Variants in ANKRD6 observed in about 807,000 individuals in gnomAD.
ANKRD6 encodes the protein ankyrin repeat domain-containing protein 6.
A neutral mutation model predicts 82.3 loss-of-function variants in ANKRD6; 56 were observed. That is an observed-to-expected ratio of 0.68 (90% CI 0.55 to 0.85). ANKRD6 has a LOEUF of 0.85. ANKRD6 is among the 40% of genes least tolerant of loss of function. ANKRD6 has a pLI of 0.00. For synonymous variants in ANKRD6, 347 were observed against 352.1 expected, an observed-to-expected ratio of 0.99 and a Z score of 0.16; for missense variants, 852 against 907.6, an observed-to-expected ratio of 0.94 and a Z score of 0.79.
intron 1 of ANKRD6, among the ~76,000 whole-genome samples, chr6:89,473,690 A>C (rs1775730760): frequency 1.3e-5 from 2 of 152,092 alleles, no homozygotes; most frequent in Non-Finnish European, 2.9e-5. Flanking sequence ...AAAAACTGTC[A>C]ACTTGTAGCT....
chr6:89,460,518 C>T (rs932945107), intron 1 of ANKRD6, among the ~76,000 whole-genome samples: 1 of 152,176 alleles, frequency 6.6e-6, no homozygotes. Context: ...CTCACTGCAA[C>T]CTCTGCCTCC....
chr6:89,521,761 T>G (rs1340071463), intron 1 of ANKRD6, among the ~76,000 whole-genome samples: 5 of 151,984 alleles, frequency 3.3e-5, no homozygotes, highest in Non-Finnish European at 7.4e-5. Context: ...TTTTTTTCCT[T>G]ATTATATAAA....
At chr6:89,448,907 G>A (rs1388827762) in intron 1 of ANKRD6, among the ~76,000 whole-genome samples, 1 of 151,380 alleles carries the variant, frequency 6.6e-6, no homozygotes, top group Non-Finnish European at 1.5e-5. Flanking sequence ...GCGGGCGCCT[G>A]TAGTCCCAGC....
intron 1 of ANKRD6, among the ~76,000 whole-genome samples, chr6:89,562,047 G>A (rs1787503182): frequency 1.3e-5 from 2 of 152,178 alleles, no homozygotes; most frequent in Admixed American, 1.3e-4. Context: ...AGGAAAATGT[G>A]GGGATATTGG....
chr6:89,597,117 T>C (rs1325309655), intron 3 of ANKRD6, among the ~76,000 whole-genome samples: 1 of 152,184 alleles, frequency 6.6e-6, no homozygotes, highest in Non-Finnish European at 1.5e-5. Flanking sequence ...AAGAAATAAC[T>C]ATGACTGTTT....
chr6:89,537,873 A>C (rs1784019609), intron 1 of ANKRD6, among the ~76,000 whole-genome samples: 1 of 117,828 alleles, frequency 8.5e-6, no homozygotes, highest in African/African-American at 3.4e-5. Flanking sequence ...GAGTGAGACA[A>C]TGTCTCAAAA....
At position 89,612,250 on chromosome 6, in the gene ANKRD6, C is replaced by T. The variant is rs780594879; in HGVS notation, c.418-22C>T. ...GGAAGCATGTTGCTAATATGTCCTCCCTCTCTCTGCCTCTCTCCAAGGCGG... is the reference window on the plus strand; with the variant it reads ...GGAAGCATGTTGCTAATATGTCCTCTCTCTCTCTGCCTCTCTCCAAGGCGG... On this transcript the variant is annotated intron_variant, in intron 5 of 15. Transcript: ENST00000339746. 6 of 1,547,716 alleles carry T rather than the reference C, an allele frequency of 3.9e-6. No homozygotes were observed. The East Asian group carries it at 1.2e-4, about 32-fold the overall frequency.
chr6:89,620,547 T>C (rs1802822242), intron 9 of ANKRD6, among the ~76,000 whole-genome samples: 1 of 152,210 alleles, frequency 6.6e-6, no homozygotes, highest in Non-Finnish European at 1.5e-5. Context: ...CTCAGACTTC[T>C]TGGTCTAAGG....
At chr6:89,547,469 C>G (rs997027344) in intron 1 of ANKRD6, among the ~76,000 whole-genome samples, 16 of 152,146 alleles carry the variant, frequency 1.1e-4, no homozygotes, top group African/African-American at 3.1e-4. Flanking sequence ...GTCTTGTTCC[C>G]AGGCCTCCGG....
chr6:89,574,848 C>G (rs566227513), intron 2 of ANKRD6, among the ~76,000 whole-genome samples: 1 of 152,212 alleles, frequency 6.6e-6, no homozygotes, highest in African/African-American at 2.4e-5. Flanking sequence ...CTTGAAGGCT[C>G]ACTGAAAAAT....
intron 1 of ANKRD6, 29 bp from the exon 2 acceptor site, chr6:89,566,805 T>A: frequency 1.2e-6 from 1 of 826,024 alleles, no homozygotes. Context: ...CAAGTGGCCC[T>A]GATGGCACCT....
intron 1 of ANKRD6, among the ~76,000 whole-genome samples, chr6:89,565,772 G>A (rs769780025): frequency 1.3e-5 from 2 of 152,028 alleles, no homozygotes; most frequent in Non-Finnish European, 2.9e-5. Context: ...TGGGTTGAAG[G>A]ATGGTATCTC....
At chr6:89,618,187 C>G in intron 9 of ANKRD6, 156 bp downstream of exon 9, 1 of 823,020 alleles carries the variant, frequency 1.2e-6, no homozygotes, top group Non-Finnish European at 2.1e-6. Flanking sequence ...CCCAGGATGA[C>G]GGGAGTCAAA....
At chr6:89,574,061 TTTATC>T (rs1256817921) in intron 2 of ANKRD6, among the ~76,000 whole-genome samples, 2 of 152,208 alleles carry the variant, frequency 1.3e-5, no homozygotes, top group Non-Finnish European at 2.9e-5. Context: ...CTCTCTTACA[TTTATC>T]TGTGTTTGAC....
chr6:89,472,792 T>C (rs574945216), intron 1 of ANKRD6, among the ~76,000 whole-genome samples: 1 of 152,258 alleles, frequency 6.6e-6, no homozygotes, highest in African/African-American at 2.4e-5. Context: ...GCCGGTGCCC[T>C]GGTTACCTTG....
At chr6:89,512,925 T>G (rs1780730427) in intron 1 of ANKRD6, among the ~76,000 whole-genome samples, 1 of 152,138 alleles carries the variant, frequency 6.6e-6, no homozygotes, top group African/African-American at 2.4e-5. Context: ...TTTCTTTCTT[T>G]TTCTCTCTTT....
intron 3 of ANKRD6, 165 bp from the exon 4 acceptor site, chr6:89,602,864 G>C: frequency 1.7e-6 from 1 of 577,858 alleles, no homozygotes; most frequent in African/African-American, 1.9e-5. Context: ...CTACTAACAA[G>C]ACCACAAAGC....
intron 1 of ANKRD6, among the ~76,000 whole-genome samples, chr6:89,562,018 T>G (rs1260940399): frequency 1.3e-5 from 2 of 152,188 alleles, no homozygotes; most frequent in Admixed American, 1.3e-4. Flanking sequence ...GACCAAAAAT[T>G]CTGTCTTTAG....
At chr6:89,470,893 G>A (rs1775372039) in intron 1 of ANKRD6, among the ~76,000 whole-genome samples, 1 of 152,060 alleles carries the variant, frequency 6.6e-6, no homozygotes, top group South Asian at 2.1e-4. Flanking sequence ...AGTTGTGAGT[G>A]GATTTTTCAC....
Sources: gnomAD v4.1 joint callset for allele counts (sites outside exome capture counted in the v4.1 genomes callset) on GRCh38, gnomAD v4.1.1 for gene constraint, MANE v1.5 for transcripts, NCBI Gene and HGNC (gene_info 2026-07-23, HGNC 2026-07-21) for gene names.